The following C4orf51 variants were observed in gnomAD, a reference collection of about 807,000 sequenced individuals.
C4orf51 encodes uncharacterized protein C4orf51.
A neutral mutation model predicts 25.2 loss-of-function variants in C4orf51; 25 were observed. That is an observed-to-expected ratio of 0.99 (90% CI 0.72 to 1.39). C4orf51 has a LOEUF of 1.39. Among genes scored for constraint, C4orf51 ranks in the 40% most tolerant of loss-of-function variants. The pLI, the probability that C4orf51 is intolerant of heterozygous loss-of-function variation, is 0.00. For missense variants in C4orf51, 252 were observed against 239.6 expected (o/e 1.05, Z -0.34); for synonymous variants, 100 against 84.5 (o/e 1.18, Z -1.01).
chr4:145,784,400 A>G, the C4orf51 span, among the ~76,000 whole-genome samples: 3 of 152,170 alleles, frequency 2.0e-5, no homozygotes, highest in East Asian at 1.9e-4. Flanking sequence ...GGCTCCTCCT[A>G]TGGTTCCTCT....
intron 2 of C4orf51, among the ~76,000 whole-genome samples, chr4:145,718,985 T>A (rs1731568786): frequency 6.6e-6 from 1 of 152,262 alleles, no homozygotes; most frequent in Non-Finnish European, 1.5e-5. Context: ...ATTCTCAGCG[T>A]CTTCATCTCT....
At chr4:145,682,637 T>C (rs779178077) in intron 1 of C4orf51, among the ~76,000 whole-genome samples, 7 of 152,222 alleles carry the variant, frequency 4.6e-5, no homozygotes, top group Non-Finnish European at 8.8e-5. Flanking sequence ...TTGTGTGAGA[T>C]AGAAGAAACT....
At chr4:145,734,603 C>CA (rs1396785234), downstream of C4orf51, among the ~76,000 whole-genome samples, 2 of 152,178 alleles carry the variant, frequency 1.3e-5, no homozygotes, top group African/African-American at 2.4e-5. Flanking sequence ...CCTGTTTCCC[C>CA]ACTCCCGCCC....
At chr4:145,723,360 C>T (rs146030372) in intron 2 of C4orf51, among the ~76,000 whole-genome samples, 30 of 152,126 alleles carry the variant, frequency 2.0e-4, no homozygotes, top group African/African-American at 5.1e-4. Context: ...TTTGTGTTCA[C>T]GAACCTTCAT....
intron 1 of C4orf51, among the ~76,000 whole-genome samples, chr4:145,751,287 G>T (rs1733659734): frequency 6.6e-6 from 1 of 152,068 alleles, no homozygotes; most frequent in Admixed American, 6.5e-5. Flanking sequence ...ATCCTTCTTT[G>T]AAAGGCTTTC....
chr4:145,707,185 C>T (rs372146878), intron 2 of C4orf51, among the ~76,000 whole-genome samples: 6 of 152,216 alleles, frequency 3.9e-5, no homozygotes, highest in African/African-American at 1.4e-4. Flanking sequence ...GTGATCCACC[C>T]GCCTCGGCCT....
chr4:145,757,587 A>T (rs574569258), downstream of C4orf51: 1 of 152,156 alleles, frequency 6.6e-6, no homozygotes, highest in Non-Finnish European at 1.5e-5. Context: ...ACCAACAAGC[A>T]GCCAAGGATG....
intron 2 of C4orf51, among the ~76,000 whole-genome samples, chr4:145,703,580 C>A (rs1196778983): frequency 6.6e-6 from 1 of 152,144 alleles, no homozygotes; most frequent in Non-Finnish European, 1.5e-5. Flanking sequence ...TTGATAGTTT[C>A]CTTTCCTGTG....
intron 2 of C4orf51, among the ~76,000 whole-genome samples, chr4:145,707,005 G>A (rs145767804): frequency 0.035 from 5,338 of 152,042 alleles, 276 homozygotes; most frequent in African/African-American, 0.11. Flanking sequence ...TAATAGAGAC[G>A]GGGTTTCACC....
intron 2 of C4orf51, among the ~76,000 whole-genome samples, chr4:145,698,863 G>A (rs1014595627): frequency 5.9e-5 from 9 of 152,284 alleles, no homozygotes; most frequent in African/African-American, 1.9e-4. Context: ...CGCATCCCCT[G>A]TGACTTGCAC....
intron 2 of C4orf51, among the ~76,000 whole-genome samples, chr4:145,723,572 A>G (rs1197419973): frequency 1.3e-5 from 2 of 152,222 alleles, no homozygotes; most frequent in African/African-American, 2.4e-5. Context: ...TTGCTTTTAA[A>G]AACTAAATAC....
At chr4:145,739,766 C>T (rs1732992939) in intron 1 of C4orf51, among the ~76,000 whole-genome samples, 1 of 152,204 alleles carries the variant, frequency 6.6e-6, no homozygotes, top group South Asian at 2.1e-4. Context: ...TAAACATATG[C>T]AGCCTGTATA....
chr4:145,683,567 A>C (rs1158656315), intron 1 of C4orf51, among the ~76,000 whole-genome samples: 2 of 152,236 alleles, frequency 1.3e-5, no homozygotes, highest in African/African-American at 4.8e-5. Context: ...ATGAAGTAGA[A>C]TAGAGAGCCC....
At chr4:145,774,676 C>T (rs750532308), downstream of C4orf51, 4 of 1,612,516 alleles carry the variant, frequency 2.5e-6, no homozygotes, top group East Asian at 4.5e-5. Flanking sequence ...GTGACAACTA[C>T]ATGAAAGGGT....
At chr4:145,729,544 T>G (rs989525581) in intron 4 of C4orf51, among the ~76,000 whole-genome samples, 31 of 152,164 alleles carry the variant, frequency 2.0e-4, no homozygotes, top group East Asian at 7.8e-4. Flanking sequence ...CTTGTGATCC[T>G]CCCTCCTTGG....
chr4:145,680,876 C>T (rs1164393373), intron 1 of C4orf51, among the ~76,000 whole-genome samples: 1 of 152,078 alleles, frequency 6.6e-6, no homozygotes, highest in Admixed American at 6.5e-5. Context: ...TTCTGTAAGC[C>T]AGGCCCTGTG....
At chr4:145,691,694 A>T (rs1729573270) in intron 1 of C4orf51, among the ~76,000 whole-genome samples, 1 of 152,226 alleles carries the variant, frequency 6.6e-6, no homozygotes, top group Non-Finnish European at 1.5e-5. Context: ...AAAATCAAAC[A>T]CAGCATGTTC....
At chr4:145,743,617 C>A (rs1342078307) in intron 1 of C4orf51, among the ~76,000 whole-genome samples, 1 of 152,230 alleles carries the variant, frequency 6.6e-6, no homozygotes, top group South Asian at 2.1e-4. Context: ...TTTCTTAGTG[C>A]TGCTAGAATT....
chr4:145,719,924 A>G (rs1260760289), intron 2 of C4orf51, among the ~76,000 whole-genome samples: 2 of 151,936 alleles, frequency 1.3e-5, no homozygotes, highest in Non-Finnish European at 2.9e-5. Context: ...CTGTGGGAGG[A>G]GTTGTGGCCT....
Sources: allele counts gnomAD v4.1 joint callset (sites outside exome capture counted in the v4.1 genomes callset), GRCh38; gene constraint gnomAD v4.1.1; transcripts MANE v1.5; gene names NCBI Gene and HGNC (gene_info 2026-07-23, HGNC 2026-07-21).